The following RBPJ variants were observed in gnomAD, a reference collection of about 807,000 sequenced individuals.
RBPJ encodes the protein recombining binding protein suppressor of hairless.
In RBPJ, 9 loss-of-function variants were observed where a neutral mutation model predicts 67.8. That is an observed-to-expected ratio of 0.13 (90% CI 0.08 to 0.23). The LOEUF (loss-of-function observed/expected upper bound fraction) is 0.23, where lower values mean the gene tolerates loss of function less well. RBPJ is among the 10% of genes least tolerant of loss of function. The probability of loss-of-function intolerance (pLI) is 1.00; values close to 1 mark genes in which losing one functional copy is unlikely to be tolerated. For missense variants in RBPJ, 305 were observed against 595.6 expected (o/e 0.51, Z 5.08); for synonymous variants, 198 against 203.3 (o/e 0.97, Z 0.22).
intron 1 of RBPJ, among the ~76,000 whole-genome samples, chr4:26,216,066 C>T (rs1237788231): frequency 6.6e-6 from 1 of 152,146 alleles, no homozygotes; most frequent in African/African-American, 2.4e-5. Context: ...TGCCTCTTAG[C>T]TTCTAGTGGC....
chr4:26,396,643 A>C (rs866042967), intron 2 of RBPJ, among the ~76,000 whole-genome samples: 1 of 152,268 alleles, frequency 6.6e-6, no homozygotes, highest in Non-Finnish European at 1.5e-5. Context: ...GTAACGGCCT[A>C]TGCCTATTTG....
intron 1 of RBPJ, among the ~76,000 whole-genome samples, chr4:26,357,671 A>G (rs981701011): frequency 2.0e-5 from 3 of 152,152 alleles, no homozygotes; most frequent in Non-Finnish European, 4.4e-5. Context: ...ACTACCATCC[A>G]TCTCCACAGC....
intron 1 of RBPJ, among the ~76,000 whole-genome samples, chr4:26,211,182 C>T (rs558046611): frequency 6.6e-5 from 10 of 152,072 alleles, no homozygotes; most frequent in Non-Finnish European, 8.8e-5. Flanking sequence ...ACCATATGCA[C>T]GTGTATGTGT....
At chr4:26,116,821 C>A in the RBPJ span, among the ~76,000 whole-genome samples, 1 of 152,370 alleles carries the variant, frequency 6.6e-6, no homozygotes, top group East Asian at 1.9e-4. Flanking sequence ...TAGGGAGAAT[C>A]TTCTGCCCCT....
chr4:26,156,204 C>G, the RBPJ span, among the ~76,000 whole-genome samples: 13 of 152,294 alleles, frequency 8.5e-5, no homozygotes, highest in Admixed American at 1.3e-4. Flanking sequence ...TAAATGATTA[C>G]TGTTATTGTT....
intron 1 of RBPJ, among the ~76,000 whole-genome samples, chr4:26,198,207 T>G (rs1019671889): frequency 1.3e-5 from 2 of 151,762 alleles, no homozygotes; most frequent in African/African-American, 2.4e-5. Flanking sequence ...TGAGCTGAGA[T>G]CGCGCCATTG....
intron 1 of RBPJ, among the ~76,000 whole-genome samples, chr4:26,287,066 C>A (rs1312436895): frequency 5.3e-5 from 8 of 152,128 alleles, no homozygotes; most frequent in Admixed American, 4.6e-4. Flanking sequence ...GGATTACAGG[C>A]GTGAGCCGCC....
chr4:26,388,782 AGTG>A (rs754645985), intron 2 of RBPJ, among the ~76,000 whole-genome samples: 1 of 152,240 alleles, frequency 6.6e-6, no homozygotes, highest in Admixed American at 6.5e-5. Flanking sequence ...GTCTGAAAAA[AGTG>A]GTGAGCATTA....
chr4:26,344,503 G>A (rs1389962425), intron 1 of RBPJ, among the ~76,000 whole-genome samples: 1 of 152,160 alleles, frequency 6.6e-6, no homozygotes, highest in Non-Finnish European at 1.5e-5. Flanking sequence ...CCAAAGTGCT[G>A]GGATTACAGG....
chr4:26,245,203 ATTT>A (rs869234645), intron 1 of RBPJ, among the ~76,000 whole-genome samples: 138 of 98,400 alleles, frequency 1.4e-3, no homozygotes, highest in African/African-American at 5.2e-3. Context: ...TCACTATTGT[ATTT>A]TTTTTTTTTT....
chr4:26,262,766 G>A (rs1452790696), intron 1 of RBPJ, among the ~76,000 whole-genome samples: 1 of 152,104 alleles, frequency 6.6e-6, no homozygotes, highest in Non-Finnish European at 1.5e-5. Context: ...AATTCCAACA[G>A]TTGGGACATC....
intron 1 of RBPJ, among the ~76,000 whole-genome samples, chr4:26,191,317 T>A (rs746808055): frequency 8.0e-5 from 12 of 149,118 alleles, no homozygotes; most frequent in African/African-American, 1.2e-4. Context: ...TTTGATTTTT[T>A]TATATATATA....
intron 1 of RBPJ, among the ~76,000 whole-genome samples, chr4:26,266,398 A>T (rs1159569096): frequency 6.6e-6 from 1 of 152,238 alleles, no homozygotes; most frequent in African/African-American, 2.4e-5. Context: ...TTATTAATAC[A>T]TGCTAGGTTT....
chr4:26,205,036 G>T (rs535672342), intron 1 of RBPJ, among the ~76,000 whole-genome samples: 2 of 152,320 alleles, frequency 1.3e-5, no homozygotes, highest in East Asian at 3.9e-4. Flanking sequence ...TGGCTGGAAG[G>T]AGCTGCCTCT....
intron 1 of RBPJ, among the ~76,000 whole-genome samples, chr4:26,282,793 T>C (rs906206138): frequency 3.3e-5 from 5 of 152,108 alleles, no homozygotes; most frequent in Admixed American, 1.3e-4. Context: ...AGTGCTGGGA[T>C]TACAGGCATG....
chr4:26,196,496 C>A (rs575469490), intron 1 of RBPJ, among the ~76,000 whole-genome samples: 3 of 152,218 alleles, frequency 2.0e-5, no homozygotes, highest in South Asian at 4.1e-4. Flanking sequence ...TCTAAATTTA[C>A]AAAATGCTTC....
At chr4:26,403,633 A>G (rs1017891063) in intron 2 of RBPJ, among the ~76,000 whole-genome samples, 1 of 151,858 alleles carries the variant, frequency 6.6e-6, no homozygotes, top group African/African-American at 2.4e-5. Context: ...AGAACATGCG[A>G]TATTTGTTTT....
chr4:26,209,953 G>C (rs1020549007), intron 1 of RBPJ, among the ~76,000 whole-genome samples: 1 of 149,964 alleles, frequency 6.7e-6, no homozygotes, highest in African/African-American at 2.5e-5. Flanking sequence ...GGGAAGTTTT[G>C]CTCTTTTGGT....
At chr4:26,351,138 C>T (rs1436034518) in intron 1 of RBPJ, among the ~76,000 whole-genome samples, 1 of 151,930 alleles carries the variant, frequency 6.6e-6, no homozygotes, top group Non-Finnish European at 1.5e-5. Context: ...TTTTGCTCTA[C>T]CTTAATATGC....
Sources: allele counts gnomAD v4.1 joint callset (sites outside exome capture counted in the v4.1 genomes callset), GRCh38; gene constraint gnomAD v4.1.1; transcripts MANE v1.5; gene names NCBI Gene and HGNC (gene_info 2026-07-23, HGNC 2026-07-21).